Variants in KAZN observed in about 807,000 individuals in gnomAD.
The protein encoded by KAZN is kazrin.
In KAZN, 40 loss-of-function variants were observed where a neutral mutation model predicts 87.4. That is an observed-to-expected ratio of 0.46 (90% CI 0.36 to 0.60). KAZN has a LOEUF of 0.60. Ranked by LOEUF, KAZN falls within the 20% of genes least tolerant of loss-of-function variation. The pLI is 0.00. For missense variants in KAZN, 898 were observed against 1,073.9 expected (o/e 0.84, Z 2.29); for synonymous variants, 466 against 458.3 (o/e 1.02, Z -0.22).
chr1:14,418,773 T>A (rs1665060184), intron 2 of KAZN, among the ~76,000 whole-genome samples: 1 of 152,204 alleles, frequency 6.6e-6, no homozygotes, highest in South Asian at 2.1e-4. Context: ...AGCCAGACCC[T>A]TCTCCCACTC....
At chr1:14,158,624 T>G (rs950403071) in intron 1 of KAZN, among the ~76,000 whole-genome samples, 1 of 152,186 alleles carries the variant, frequency 6.6e-6, no homozygotes, top group Non-Finnish European at 1.5e-5. Context: ...GTTCATTTGG[T>G]GAGATCATAT....
chr1:14,670,060 A>C (rs1345417966), intron 1 of KAZN, among the ~76,000 whole-genome samples: 2 of 152,094 alleles, frequency 1.3e-5, no homozygotes, highest in African/African-American at 4.8e-5. Context: ...TGGTCTATGT[A>C]GATACTTTAT....
chr1:13,942,160 G>C (rs945113746), intron 1 of KAZN, among the ~76,000 whole-genome samples: 2 of 152,128 alleles, frequency 1.3e-5, no homozygotes, highest in Non-Finnish European at 2.9e-5. Flanking sequence ...CTAAAGCCCA[G>C]CTTCAAATCC....
At chr1:14,551,037 C>T (rs1031058591) in intron 2 of KAZN, among the ~76,000 whole-genome samples, 2 of 151,952 alleles carry the variant, frequency 1.3e-5, no homozygotes, top group Admixed American at 6.6e-5. Flanking sequence ...CAGCAAATGG[C>T]CTGGTTAGAA....
chr1:13,945,407 G>T (rs552566410), intron 1 of KAZN, among the ~76,000 whole-genome samples: 10 of 151,712 alleles, frequency 6.6e-5, no homozygotes, highest in African/African-American at 2.2e-4. Flanking sequence ...CTGGGAGGCG[G>T]AGGTTGCAGT....
intron 2 of KAZN, among the ~76,000 whole-genome samples, chr1:14,363,200 A>C (rs1659669367): frequency 6.6e-6 from 1 of 152,210 alleles, no homozygotes; most frequent in South Asian, 2.1e-4. Flanking sequence ...ACTCTGAAAT[A>C]GCTGAAATCT....
At position 14,059,525 on chromosome 1, in the gene KAZN, A is replaced by G. The variant is rs577522326; in HGVS notation, c.92-120910A>G. Reference sequence around the variant, plus strand: ...TCTAGCCACGCTGACAGCTGATTGGATGGTGCCCACCCACATTAATGGTGG... The same window carrying G: ...TCTAGCCACGCTGACAGCTGATTGGGTGGTGCCCACCCACATTAATGGTGG... On this transcript the variant is annotated intron_variant, in intron 1 of 16. Transcript: ENST00000636203. Among the ~76,000 whole-genome samples, 492 of 152,356 alleles carry G rather than the reference A, an allele frequency of 3.2e-3. 4 individuals carry two copies. The highest frequency in any genetic ancestry group is 0.01 in the Middle Eastern group (3 of 294).
chr1:15,101,408 GTC>G (rs1491498628), intron 10 of KAZN, 133 bp from the exon 11 acceptor site: 3 of 643,780 alleles, frequency 4.7e-6, no homozygotes, highest in Non-Finnish European at 8.3e-6. Flanking sequence ...GTCCATGTCT[GTC>G]TCTGTGGCTC....
chr1:14,395,136 G>A (rs182979729), intron 2 of KAZN, among the ~76,000 whole-genome samples: 246 of 152,146 alleles, frequency 1.6e-3, no homozygotes, highest in African/African-American at 5.6e-3. Context: ...GAGAGAGAAT[G>A]AGATGGAGGA....
intron 2 of KAZN, among the ~76,000 whole-genome samples, chr1:14,528,159 G>GA (rs1216324010): frequency 6.6e-6 from 1 of 151,714 alleles, no homozygotes; most frequent in Non-Finnish European, 1.5e-5. Flanking sequence ...CCAACATGGT[G>GA]AAACTTCATC....
chr1:13,959,376 C>G (rs1641668879), intron 1 of KAZN, among the ~76,000 whole-genome samples: 1 of 152,206 alleles, frequency 6.6e-6, no homozygotes, highest in Non-Finnish European at 1.5e-5. Flanking sequence ...CATACCCGAC[C>G]TCACCTTGAG....
chr1:14,129,777 G>T (rs1644952601), intron 1 of KAZN, among the ~76,000 whole-genome samples: 1 of 152,206 alleles, frequency 6.6e-6, no homozygotes, highest in African/African-American at 2.4e-5. Context: ...GAGTGAGTGA[G>T]CGAGTGAGCG....
chr1:14,583,598 G>A (rs1449052725), intron 2 of KAZN, among the ~76,000 whole-genome samples: 3 of 152,174 alleles, frequency 2.0e-5, no homozygotes, highest in African/African-American at 7.2e-5. Flanking sequence ...CCCAAGGCTG[G>A]TTCCTGGGTG....
chr1:14,445,138 G>A (rs1666911861), intron 2 of KAZN, among the ~76,000 whole-genome samples: 1 of 151,712 alleles, frequency 6.6e-6, no homozygotes, highest in African/African-American at 2.4e-5. Flanking sequence ...CTATTCTTCT[G>A]CCTCAGCCTC....
At chr1:14,631,283 A>G (rs1196502097) in intron 1 of KAZN, among the ~76,000 whole-genome samples, 1 of 152,234 alleles carries the variant, frequency 6.6e-6, no homozygotes. Context: ...AGCACCAAGT[A>G]TGAGCCAGGA....
chr1:14,047,515 T>C (rs189541843), intron 1 of KAZN, among the ~76,000 whole-genome samples: 1 of 152,266 alleles, frequency 6.6e-6, no homozygotes, highest in African/African-American at 2.4e-5. Flanking sequence ...TCTTCTACCT[T>C]AATGGCACCA....
In KAZN at chr1:14,350,110, G is replaced by T. The variant is rs4661483; in HGVS notation, c.249+169518G>T. On this transcript the variant is annotated intron_variant, in intron 2 of 16. Transcript: ENST00000636203. ...GATCGCGCCACTGCACTCCAGCCTG[G>T]GCAACAGAGCAAGACTCCATCTCAA... Among the ~76,000 whole-genome samples, 8 of 146,012 alleles carry T rather than the reference G, an allele frequency of 5.5e-5. No homozygotes were observed. The East Asian group carries it at 8.2e-4, about 15-fold the overall frequency.
At chr1:14,980,085 C>T (rs1240560274) in intron 2 of KAZN, among the ~76,000 whole-genome samples, 2 of 152,084 alleles carry the variant, frequency 1.3e-5, no homozygotes, top group African/African-American at 4.8e-5. Flanking sequence ...GATGGGGTTT[C>T]ACCATATTGG....
intron 1 of KAZN, among the ~76,000 whole-genome samples, chr1:13,941,773 C>T (rs1426340094): frequency 6.6e-6 from 1 of 152,284 alleles, no homozygotes; most frequent in East Asian, 1.9e-4. Flanking sequence ...CCACCACCAC[C>T]AACAGCAACA....
Sources: allele counts gnomAD v4.1 joint callset (sites outside exome capture counted in the v4.1 genomes callset), GRCh38; gene constraint gnomAD v4.1.1; transcripts MANE v1.5; gene names NCBI Gene and HGNC (gene_info 2026-07-23, HGNC 2026-07-21).